Variants in SNRNP40 observed in about 807,000 individuals in gnomAD.
SNRNP40 encodes U5 small nuclear ribonucleoprotein 40 kDa protein.
A neutral mutation model predicts 45.8 loss-of-function variants in SNRNP40; 21 were observed. The observed-to-expected ratio is 0.46, with a 90% CI of 0.32 to 0.66. The LOEUF is 0.66. Among genes scored for constraint, SNRNP40 ranks in the 30% least tolerant of loss-of-function variants. The pLI, the probability that SNRNP40 is intolerant of heterozygous loss-of-function variation, is 0.03. For missense variants in SNRNP40, 344 were observed against 439.1 expected, an observed-to-expected ratio of 0.78 and a Z score of 1.94; for synonymous variants, 142 against 163.8, an observed-to-expected ratio of 0.87 and a Z score of 1.01.
chr1:31,292,483 A>G (rs1214912056), intron 2 of SNRNP40, among the ~76,000 whole-genome samples: 1 of 152,220 alleles, frequency 6.6e-6, no homozygotes, highest in Non-Finnish European at 1.5e-5. Context: ...TTTGGCCACT[A>G]GTAAGCTTAA....
At chr1:31,280,170 C>CT (rs35154603) in intron 5 of SNRNP40, among the ~76,000 whole-genome samples, 26,053 of 127,094 alleles carry the variant, frequency 0.2, 2,856 homozygotes, top group African/African-American at 0.28. Context: ...ATATTCCTTT[C>CT]TTTTTTTTTT....
rs749478847 is a variant in SNRNP40 at position 31,259,622 on chromosome 1, A to C, written c.*450T>G. 1 of 389,746 alleles carries C rather than the reference A, an allele frequency of 2.6e-6. No individual in the cohort carries two copies. Among genetic ancestry groups the C allele is most frequent in the Non-Finnish European group, 4.9e-6 (1 of 203,600 alleles). The allele number at this position is 389,746 out of a possible 1,614,324, so 24.1% of individuals were successfully genotyped here. ...GCCACATCATGCTCTATTCTGATTTATAGCAATCAAGCCTCAAAAAAAAGA... is the reference window on the plus strand; with the variant it reads ...GCCACATCATGCTCTATTCTGATTTCTAGCAATCAAGCCTCAAAAAAAAGA... On this transcript the variant is annotated 3_prime_UTR_variant, in exon 10 of 10. Transcript: ENST00000263694.
chr1:31,282,135 G>C (rs752635085), intron 4 of SNRNP40: 1 of 152,124 alleles, frequency 6.6e-6, no homozygotes, highest in African/African-American at 2.4e-5. Flanking sequence ...CAACAGCTTT[G>C]AAGATAACCC....
At chr1:31,283,928 T>A (rs559573285) in intron 4 of SNRNP40, among the ~76,000 whole-genome samples, 2 of 152,122 alleles carry the variant, frequency 1.3e-5, no homozygotes, top group Admixed American at 1.3e-4. Flanking sequence ...GCTAAAACTA[T>A]AAAATTCTTA....
At chr1:31,263,913 T>TAAAAAA (rs11419603) in intron 8 of SNRNP40, among the ~76,000 whole-genome samples, 1 of 106,992 alleles carries the variant, frequency 9.3e-6, no homozygotes, top group African/African-American at 3.6e-5. Context: ...ATGTACTGGC[T>TAAAAAA]AAAAAAAAAA....
intron 6 of SNRNP40, 167 bp downstream of exon 6, chr1:31,271,212 A>G: frequency 1.6e-6 from 1 of 625,874 alleles, no homozygotes; most frequent in Non-Finnish European, 2.7e-6. Context: ...TGCTGTGTGC[A>G]AAGTTGTTCA....
chr1:31,294,315 T>A (rs12566574), intron 1 of SNRNP40, among the ~76,000 whole-genome samples: 1 of 152,016 alleles, frequency 6.6e-6, no homozygotes, highest in Non-Finnish European at 1.5e-5. Flanking sequence ...TGAAGTAGTT[T>A]TGATTATGGT....
Position 31,281,515 on chromosome 1 carries a change from C to G in SNRNP40, c.532-19G>C, listed in dbSNP as rs368845657. ...CCCAAAGCTGAAGCAAAGGACAAGACAGTCTATCAGCAACATCATTCTAAG... is the reference window on the plus strand; with the variant it reads ...CCCAAAGCTGAAGCAAAGGACAAGAGAGTCTATCAGCAACATCATTCTAAG... On this transcript the variant is annotated intron_variant, in intron 4 of 9. Coordinates refer to ENST00000263694, the MANE Select transcript of SNRNP40 (RefSeq NM_004814.3). The G allele has an allele frequency of 1.3e-6, 2 of 1,587,504 alleles. No individual in the cohort carries two copies. Among genetic ancestry groups the G allele is most frequent in the African/African-American group, 2.7e-5 (2 of 74,554 alleles).
intron 9 of SNRNP40, 85 bp from the exon 10 acceptor site, chr1:31,260,206 C>A: frequency 1.1e-6 from 1 of 908,838 alleles, no homozygotes; most frequent in Non-Finnish European, 1.7e-6. Context: ...AGAGCCAATT[C>A]TGGTATAAAA....
chr1:31,281,253 G>A, intron 5 of SNRNP40, 121 bp downstream of exon 5: 1 of 736,586 alleles, frequency 1.4e-6, no homozygotes, highest in South Asian at 2.4e-5. Context: ...TAAGTTCCAA[G>A]TTACTATTTT....
At chr1:31,277,271 T>G (rs761035267) in intron 5 of SNRNP40, among the ~76,000 whole-genome samples, 1 of 152,158 alleles carries the variant, frequency 6.6e-6, no homozygotes, top group Non-Finnish European at 1.5e-5. Flanking sequence ...CAGAAAAGAC[T>G]TGAAGGAAGT....
At chr1:31,268,035 T>C in intron 7 of SNRNP40, 103 bp from the exon 8 acceptor site, 2 of 730,286 alleles carry the variant, frequency 2.7e-6, no homozygotes, top group South Asian at 1.6e-5. Flanking sequence ...GAGTTTTAAT[T>C]ACTCTTCTCA....
At chr1:31,261,227 T>C in intron 9 of SNRNP40, 1 of 382,108 alleles carries the variant, frequency 2.6e-6, no homozygotes, top group East Asian at 6.4e-5. Flanking sequence ...GGTGGGTGCC[T>C]GTAATCCCAG....
intron 4 of SNRNP40, among the ~76,000 whole-genome samples, chr1:31,288,417 T>C (rs1646077271): frequency 6.6e-6 from 1 of 152,200 alleles, no homozygotes; most frequent in African/African-American, 2.4e-5. Context: ...GGATGCTCAG[T>C]GAGATCAGTG....
At chr1:31,292,066 GAAC>G (rs1439420071) in intron 2 of SNRNP40, 60 bp from the exon 3 acceptor site, 8 of 1,189,998 alleles carry the variant, frequency 6.7e-6, no homozygotes, top group Non-Finnish European at 8.8e-6. Flanking sequence ...AAATTTATCA[GAAC>G]AACAGTTCTC....
At chr1:31,281,017 A>T (rs1257399222) in intron 5 of SNRNP40, among the ~76,000 whole-genome samples, 1 of 152,230 alleles carries the variant, frequency 6.6e-6, no homozygotes, top group East Asian at 1.9e-4. Context: ...ACACAGTGAG[A>T]GATGAGGATA....
At chr1:31,292,264 A>G (rs1231564647) in intron 2 of SNRNP40, among the ~76,000 whole-genome samples, 2 of 152,194 alleles carry the variant, frequency 1.3e-5, no homozygotes, top group African/African-American at 2.4e-5. Context: ...TGGGAGACTG[A>G]GGCAGGAGAA....
At chr1:31,292,995 T>C (rs1410162425) in intron 2 of SNRNP40, 2 of 538,692 alleles carry the variant, frequency 3.7e-6, no homozygotes, top group East Asian at 3.3e-5. Flanking sequence ...CCAGAACAAC[T>C]CACTTTCCAA....
In SNRNP40 at chr1:31,261,426, T is replaced by C. The variant is rs535518387; in HGVS notation, c.1024+103A>G. 4.2e-6 allele frequency: 3 copies of C among 720,156 alleles called. No individual in the cohort carries two copies. In the East Asian group the frequency reaches 8.0e-5, roughly 19 times the overall value. 44.6% of individuals were successfully genotyped at this position (720,156 alleles called of 1,614,324 possible). On this transcript the variant is annotated intron_variant, in intron 9 of 9. Transcript: ENST00000263694. ...CAAAAACACCCAAAGGCTGTTTGCA[T>C]GGAAATTCGTATAAAACAGATACCC...
Sources: allele counts gnomAD v4.1 joint callset (sites outside exome capture counted in the v4.1 genomes callset), GRCh38; gene constraint gnomAD v4.1.1; transcripts MANE v1.5; gene names NCBI Gene and HGNC (gene_info 2026-07-23, HGNC 2026-07-21).